The following DPP6 variants were observed in gnomAD, a reference collection of about 807,000 sequenced individuals.
DPP6 encodes the protein dipeptidyl peptidase like 6, also known as A-type potassium channel modulatory protein DPP6.
In DPP6, 69 loss-of-function variants were observed where a neutral mutation model predicts 122.6. That is an observed-to-expected ratio of 0.56 (90% CI 0.46 to 0.69). The LOEUF (loss-of-function observed/expected upper bound fraction) is 0.69. DPP6 is among the 30% of genes least tolerant of loss of function. The pLI, the probability that DPP6 is intolerant of heterozygous loss-of-function variation, is 0.00. For missense variants in DPP6, 928 were observed against 1,116.9 expected (o/e 0.83, Z 2.41); for synonymous variants, 418 against 433.1 (o/e 0.97, Z 0.43).
intron 1 of DPP6, among the ~76,000 whole-genome samples, chr7:154,330,232 A>T (rs1045254021): frequency 2.0e-5 from 3 of 152,236 alleles, no homozygotes; most frequent in Non-Finnish European, 4.4e-5. Flanking sequence ...TGAGAGATGC[A>T]ATTCTTAACT....
rs1351254807 is a variant in DPP6, at chr7:154,542,783, CAAAAT to C, written c.552+2161_552+2165del. ...ATTTAAATGCTCCTGTCAACAGACT[CAAAAT>C]AAAGAAGACAAAAAATGTCATTTAG... On this transcript the variant is annotated intron_variant, in intron 4 of 25. Transcript: ENST00000377770. Among the ~76,000 whole-genome samples, 10 of 152,238 alleles carry C rather than the reference CAAAAT, an allele frequency of 6.6e-5. No homozygotes were observed. The East Asian group carries it at 7.7e-4, about 12-fold the overall frequency.
rs140575342 is a variant in DPP6, at chr7:154,880,286, A to G, written c.2079-602A>G. Among the ~76,000 whole-genome samples, 269 of 152,320 alleles carry G rather than the reference A, an allele frequency of 1.8e-3. 1 individual carries two copies. Among genetic ancestry groups the G allele is most frequent in the Non-Finnish European group, 2.7e-3 (185 of 68,038 alleles). ...AGGGACCCAGGCAGCACTGGCCCAG[A>G]GCACTGAGGCCCAGAGCACCAAGCG... On this transcript the variant is annotated intron_variant, in intron 20 of 25. Transcript: ENST00000377770.
chr7:154,052,650 G>C lies in DPP6; in HGVS notation c.-171G>C. 1 of 1,261,716 alleles carries C rather than the reference G, an allele frequency of 7.9e-7. No individual in the cohort carries two copies. The highest frequency in any genetic ancestry group is 1.0e-6 in the Non-Finnish European group (1 of 992,498). The allele number at this position is 1,261,716 out of a possible 1,614,324, so 78.2% of individuals were successfully genotyped here. The stretch of plus-strand genomic sequence containing the variant: ...AGTCGCCAGCGGAGACTCGCGAGTG[G>C]CGCGCGGGAGGAGCGGCCGCCGGCG... On this transcript the variant is annotated 5_prime_UTR_variant, in exon 1 of 26. Coordinates refer to ENST00000377770, the MANE Select transcript of DPP6 (RefSeq NM_130797.4). This position sits in a 1 kb window ranked among gnomAD's most constrained non-coding sequence, Gnocchi z 4.8.
chr7:154,830,198 C>T (rs576046677), intron 16 of DPP6, among the ~76,000 whole-genome samples: 5 of 152,204 alleles, frequency 3.3e-5, no homozygotes, highest in Non-Finnish European at 7.3e-5. Context: ...AATCCACATT[C>T]GCTGCTGCCT....
chr7:153,857,044 T>G, the DPP6 span, among the ~76,000 whole-genome samples: 1 of 152,194 alleles, frequency 6.6e-6, no homozygotes, highest in Non-Finnish European at 1.5e-5. Context: ...ACTTTGCAAG[T>G]ATAGAAAATA....
At chr7:153,766,269 C>G in the DPP6 span, among the ~76,000 whole-genome samples, 1 of 152,148 alleles carries the variant, frequency 6.6e-6, no homozygotes, top group African/African-American at 2.4e-5. Flanking sequence ...ATGAGGTTCC[C>G]GTTGTCAGCT....
At chr7:154,516,068 C>T (rs934430168) in intron 3 of DPP6, among the ~76,000 whole-genome samples, 3 of 152,204 alleles carry the variant, frequency 2.0e-5, no homozygotes, top group African/African-American at 7.2e-5. Flanking sequence ...CAAATAATCA[C>T]TCTTCCTCAG....
chr7:154,365,699 A>G (rs1274716434), intron 1 of DPP6, among the ~76,000 whole-genome samples: 1 of 151,528 alleles, frequency 6.6e-6, no homozygotes, highest in Non-Finnish European at 1.5e-5. Context: ...CATGCCTGTA[A>G]TCCCAGTACT....
At chr7:154,723,708 TA>T (rs1318493313) in intron 7 of DPP6, among the ~76,000 whole-genome samples, 1 of 152,088 alleles carries the variant, frequency 6.6e-6, no homozygotes, top group Admixed American at 6.6e-5. Flanking sequence ...ATATTTTCAG[TA>T]AAAAAAATTC....
chr7:153,791,666 C>T, the DPP6 span, among the ~76,000 whole-genome samples: 17 of 152,046 alleles, frequency 1.1e-4, no homozygotes, highest in Non-Finnish European at 1.8e-4. Flanking sequence ...GTGATCAACC[C>T]GCCTTGGCAT....
intron 1 of DPP6, among the ~76,000 whole-genome samples, chr7:154,260,693 TAA>T (rs1802955383): frequency 6.8e-6 from 1 of 147,750 alleles, no homozygotes; most frequent in African/African-American, 2.5e-5. Flanking sequence ...TATATATGTA[TAA>T]TATATATTAT....
intron 1 of DPP6, among the ~76,000 whole-genome samples, chr7:154,200,030 C>A (rs181739039): frequency 6.6e-6 from 1 of 152,208 alleles, no homozygotes; most frequent in Non-Finnish European, 1.5e-5. Flanking sequence ...CCCAGCTGCA[C>A]AATGGAATTA....
chr7:154,803,906 G>A lies in DPP6; in HGVS notation c.1450G>A (p.Asp484Asn), dbSNP rs1798533789. The change falls in exon 14 of 26, where the codon GAC (aspartate) becomes AAC (asparagine). Residue 484 changes from aspartate (D) to asparagine (N), a missense_variant. Transcript: ENST00000377770. Reference sequence around the variant, plus strand: ...CAACATCCAGTCCATCACCTCCGGGGACTGGGACGTGACCAAGATCCTAGC... The same window carrying A: ...CAACATCCAGTCCATCACCTCCGGGAACTGGGACGTGACCAAGATCCTAGC... Reference protein sequence around the residue: ...NDNIQSITSGDWDVTKILAYD... With the variant: ...NDNIQSITSGNWDVTKILAYD... 6.2e-7 allele frequency: 1 copy of A among 1,613,848 alleles called. No individual in the cohort carries two copies. The highest frequency in any genetic ancestry group is 1.3e-5 in the African/African-American group (1 of 74,952).
At chr7:153,783,466 C>T in the DPP6 span, among the ~76,000 whole-genome samples, 3 of 152,172 alleles carry the variant, frequency 2.0e-5, no homozygotes, top group Non-Finnish European at 4.4e-5. Flanking sequence ...ACCCTTGACA[C>T]AATTATGGGG....
chr7:154,129,589 C>A (rs888006465), intron 1 of DPP6, among the ~76,000 whole-genome samples: 1 of 152,172 alleles, frequency 6.6e-6, no homozygotes, highest in Non-Finnish European at 1.5e-5. Flanking sequence ...ATGGTGAAAC[C>A]CTGTCTCTAC....
chr7:153,998,818 C>G (rs1035041030), intron 1 of DPP6, among the ~76,000 whole-genome samples: 28 of 152,224 alleles, frequency 1.8e-4, no homozygotes, highest in African/African-American at 6.7e-4. Context: ...AAGAATGTAC[C>G]CCAATTTTCA....
At chr7:154,051,711 C>A (rs62485599), upstream of DPP6, among the ~76,000 whole-genome samples, 54,136 of 150,038 alleles carry the variant, frequency 0.36, 10,007 homozygotes, top group Middle Eastern at 0.41. Flanking sequence ...GCGGTCACAG[C>A]CGGGCTCTCT....
chr7:154,017,077 G>GT (rs974524821), intron 1 of DPP6, among the ~76,000 whole-genome samples: 27 of 152,114 alleles, frequency 1.8e-4, no homozygotes, highest in Middle Eastern at 3.4e-3. Flanking sequence ...AACAATATAT[G>GT]TTTTTTTTGA....
At chr7:154,467,875 T>C (rs947757703) in intron 2 of DPP6, among the ~76,000 whole-genome samples, 1 of 152,218 alleles carries the variant, frequency 6.6e-6, no homozygotes, top group Non-Finnish European at 1.5e-5. Context: ...GAATCACACA[T>C]TTAAGCTCTT....
Sources: allele counts gnomAD v4.1 joint callset (sites outside exome capture counted in the v4.1 genomes callset), GRCh38; gene constraint gnomAD v4.1.1; non-coding constraint Gnocchi (gnomAD v3.1); transcripts MANE v1.5; gene names NCBI Gene and HGNC (gene_info 2026-07-23, HGNC 2026-07-21).